The following DCDC1 variants were observed in gnomAD, a reference collection of about 807,000 sequenced individuals.
DCDC1 encodes doublecortin domain containing 1.
DCDC1 carries 200 observed loss-of-function variants against 178.3 expected under a neutral mutation model. The ratio of observed to expected loss-of-function variants is 1.12; its 90% CI spans 1.00 to 1.26. DCDC1 has a LOEUF of 1.26. DCDC1 is among the 50% of genes most tolerant of loss of function. DCDC1 has a pLI of 0.00. For missense variants in DCDC1, 1,983 were observed against 1,749.2 expected (o/e 1.13, Z -2.38); for synonymous variants, 690 against 604.8 (o/e 1.14, Z -2.07).
intron 38 of DCDC1, among the ~76,000 whole-genome samples, chr11:30,878,231 T>C (rs2133958833): frequency 6.6e-6 from 1 of 152,090 alleles, no homozygotes; most frequent in African/African-American, 2.4e-5. Context: ...GGTGGGAGGA[T>C]TGCTTGAGCT....
intron 9 of DCDC1, among the ~76,000 whole-genome samples, chr11:31,179,377 C>A (rs945504343): frequency 6.6e-6 from 1 of 152,100 alleles, no homozygotes; most frequent in Non-Finnish European, 1.5e-5. Flanking sequence ...TCTGTACTCC[C>A]GTTTATTGTA....
chr11:31,324,886 C>T (rs553860401), intron 3 of DCDC1, among the ~76,000 whole-genome samples: 1 of 151,972 alleles, frequency 6.6e-6, no homozygotes, highest in Non-Finnish European at 1.5e-5. Flanking sequence ...AAAAAGTAAC[C>T]TAGATAATGT....
intron 9 of DCDC1, among the ~76,000 whole-genome samples, chr11:31,210,953 C>T (rs1972458347): frequency 6.6e-6 from 1 of 152,074 alleles, no homozygotes; most frequent in Admixed American, 6.6e-5. Flanking sequence ...TCTCTATTAC[C>T]CTGGAATCTA....
chr11:31,137,866 A>G, intron 9 of DCDC1, 82 bp from the exon 10 acceptor site: 1 of 612,140 alleles, frequency 1.6e-6, no homozygotes, highest in Non-Finnish European at 2.9e-6. Context: ...CTAGTTAAGC[A>G]TAATCATGAA....
chr11:31,331,749 GC>G lies in DCDC1; in HGVS notation c.-6-3464del, dbSNP rs1950001275. 2.0e-5 allele frequency among the ~76,000 whole-genome samples: 3 copies of G among 152,142 alleles called. No individual in the cohort carries two copies. In the South Asian group the frequency reaches 6.2e-4, roughly 32 times the overall value. ...AAGCCTACTTGATCGTGGTGGATAA[GC>G]TTTTTGATGTGCTGCTGGATTCGGT... On this transcript the variant is annotated intron_variant, in intron 2 of 38. Transcript: ENST00000684477.
intron 11 of DCDC1, among the ~76,000 whole-genome samples, chr11:31,124,851 A>G (rs1565315978): frequency 6.6e-6 from 1 of 152,114 alleles, no homozygotes; most frequent in Non-Finnish European, 1.5e-5. Flanking sequence ...GGCAATAAAG[A>G]GCAGGATACA....
intron 26 of DCDC1, 91 bp from the exon 27 acceptor site, chr11:30,915,802 T>A: frequency 1.5e-6 from 2 of 1,339,730 alleles, no homozygotes; most frequent in African/African-American, 1.5e-5. Context: ...GTTCTGTTGG[T>A]GAGAGCTCCA....
intron 8 of DCDC1, 128 bp from the exon 9 acceptor site, chr11:31,241,744 C>G: frequency 2.6e-6 from 1 of 387,120 alleles, no homozygotes; most frequent in South Asian, 1.4e-4. Context: ...TGGGTTAAGT[C>G]TTAGAGAGGC....
chr11:31,201,667 A>T (rs1277907944), intron 9 of DCDC1, among the ~76,000 whole-genome samples: 1 of 152,132 alleles, frequency 6.6e-6, no homozygotes, highest in Non-Finnish European at 1.5e-5. Flanking sequence ...GGAAAGAAAA[A>T]AAAAAAAAGA....
chr11:31,242,073 C>A (rs1421925704), intron 8 of DCDC1, among the ~76,000 whole-genome samples: 1 of 151,880 alleles, frequency 6.6e-6, no homozygotes, highest in East Asian at 1.9e-4. Context: ...ATAATCCACA[C>A]CTTTATAAAC....
At chr11:31,050,680 T>A (rs1172683152) in intron 20 of DCDC1, among the ~76,000 whole-genome samples, 1 of 152,102 alleles carries the variant, frequency 6.6e-6, no homozygotes, top group Non-Finnish European at 1.5e-5. Flanking sequence ...ATCACAGAAC[T>A]CTGTGCAGAC....
At chr11:31,318,830 C>T (rs201497775) in intron 3 of DCDC1, among the ~76,000 whole-genome samples, 2 of 63,446 alleles carry the variant, frequency 3.2e-5, no homozygotes, top group East Asian at 2.5e-4. Flanking sequence ...CTGTTTTGAA[C>T]GCGTCCCAGA....
At chr11:31,124,758 C>T (rs1961350421) in intron 11 of DCDC1, among the ~76,000 whole-genome samples, 1 of 152,240 alleles carries the variant, frequency 6.6e-6, no homozygotes, top group South Asian at 2.1e-4. Context: ...GGATCCCTTC[C>T]TTACACCTTA....
chr11:31,264,794 G>A (rs1289272848), intron 8 of DCDC1, among the ~76,000 whole-genome samples: 1 of 152,150 alleles, frequency 6.6e-6, no homozygotes, highest in Non-Finnish European at 1.5e-5. Flanking sequence ...GGACAATGAT[G>A]TGCCGGAGCC....
At chr11:31,115,983 G>C (rs201925318) in intron 11 of DCDC1, among the ~76,000 whole-genome samples, 1 of 69,544 alleles carries the variant, frequency 1.4e-5, no homozygotes, top group East Asian at 1.5e-3. Context: ...TGTGGCAGTG[G>C]GGGGGGGGGG....
At chr11:31,166,938 A>G (rs950729944) in intron 9 of DCDC1, among the ~76,000 whole-genome samples, 7 of 152,164 alleles carry the variant, frequency 4.6e-5, no homozygotes, top group Non-Finnish European at 1.5e-5. Flanking sequence ...AGAATCTCAG[A>G]GACTTCAACT....
At chr11:31,149,084 T>C (rs1964833356) in intron 9 of DCDC1, among the ~76,000 whole-genome samples, 1 of 152,250 alleles carries the variant, frequency 6.6e-6, no homozygotes, top group Non-Finnish European at 1.5e-5. Context: ...TATTCCTTTT[T>C]ATGACTGAGT....
intron 20 of DCDC1, among the ~76,000 whole-genome samples, chr11:30,974,141 A>T (rs1207738245): frequency 6.6e-6 from 1 of 152,140 alleles, no homozygotes; most frequent in Non-Finnish European, 1.5e-5. Context: ...TGACCATTGG[A>T]TCAAGGAAGA....
chr11:30,916,766 C>T (rs1945868364), intron 26 of DCDC1, 104 bp downstream of exon 26: 1 of 1,215,522 alleles, frequency 8.2e-7, no homozygotes, highest in Non-Finnish European at 1.1e-6. Flanking sequence ...TTGATAGAAA[C>T]AGCAGCTAAC....
Sources: allele counts gnomAD v4.1 joint callset (sites outside exome capture counted in the v4.1 genomes callset), GRCh38; gene constraint gnomAD v4.1.1; transcripts MANE v1.5; gene names NCBI Gene and HGNC (gene_info 2026-07-23, HGNC 2026-07-21).